Variants in PLXDC2 observed in about 807,000 individuals in gnomAD.
PLXDC2 encodes plexin domain containing 2.
In PLXDC2, 40 loss-of-function variants were observed where a neutral mutation model predicts 68.9. That is an observed-to-expected ratio of 0.58 (90% confidence interval 0.45 to 0.76). The LOEUF is 0.76. PLXDC2 is among the 30% of genes least tolerant of loss of function. PLXDC2 has a pLI of 0.00. For missense variants in PLXDC2, 644 were observed against 661.9 expected (o/e 0.97, Z 0.30); for synonymous variants, 243 against 234.2 (o/e 1.04, Z -0.34).
At chr10:19,854,841 C>A (rs758581826) in intron 1 of PLXDC2, among the ~76,000 whole-genome samples, 5 of 152,190 alleles carry the variant, frequency 3.3e-5, no homozygotes, top group Non-Finnish European at 5.9e-5. Flanking sequence ...AGTAGACACA[C>A]ATCTGTGAGC....
At chr10:19,859,427 T>A (rs754059765) in intron 1 of PLXDC2, among the ~76,000 whole-genome samples, 4 of 152,232 alleles carry the variant, frequency 2.6e-5, no homozygotes, top group Non-Finnish European at 5.9e-5. Context: ...TTTTTCAGAC[T>A]GTACCTTTTG....
chr10:20,092,763 C>T (rs1050753288), intron 4 of PLXDC2, among the ~76,000 whole-genome samples: 11 of 151,834 alleles, frequency 7.2e-5, no homozygotes, highest in Non-Finnish European at 1.5e-4. Context: ...GCCCTAAATG[C>T]AGTCACAAGT....
intron 2 of PLXDC2, among the ~76,000 whole-genome samples, chr10:20,007,114 A>T (rs1258792987): frequency 6.6e-6 from 1 of 152,194 alleles, no homozygotes; most frequent in Non-Finnish European, 1.5e-5. Flanking sequence ...TCCATTCATG[A>T]TTTGGCCTTG....
rs114203286 is a variant in PLXDC2 at position 20,254,669 on chromosome 10, A to G, written c.1473+9164A>G. Among the ~76,000 whole-genome samples the G allele has an allele frequency of 4.0e-3, 612 of 152,302 alleles. 4 individuals are homozygous for G. The highest frequency in any genetic ancestry group is 0.013 in the African/African-American group (559 of 41,564). On this transcript the variant is annotated intron_variant, in intron 13 of 13. Coordinates refer to ENST00000377252, the MANE Select transcript of PLXDC2 (RefSeq NM_032812.9). ...AGAAAGATAAGGCAAAACACATCTGACATGGTTTGACATAGCTCTCATTAA... is the reference window on the plus strand; with the variant it reads ...AGAAAGATAAGGCAAAACACATCTGGCATGGTTTGACATAGCTCTCATTAA...
At chr10:20,142,528 G>A (rs915939095) in intron 4 of PLXDC2, among the ~76,000 whole-genome samples, 3 of 152,082 alleles carry the variant, frequency 2.0e-5, no homozygotes, top group African/African-American at 7.2e-5. Context: ...ATAATTGAAA[G>A]TGGGTTAGAC....
intron 1 of PLXDC2, among the ~76,000 whole-genome samples, chr10:19,897,045 C>T (rs565356595): frequency 6.6e-6 from 1 of 152,284 alleles, no homozygotes; most frequent in Non-Finnish European, 1.5e-5. Flanking sequence ...CCCCTGTCAC[C>T]TAGAACAGTT....
At chr10:20,169,125 TCA>T (rs1309533117) in intron 7 of PLXDC2, among the ~76,000 whole-genome samples, 1 of 152,202 alleles carries the variant, frequency 6.6e-6, no homozygotes, top group Non-Finnish European at 1.5e-5. Flanking sequence ...TCGCATATTA[TCA>T]GTAAAATGGT....
chr10:19,980,797 C>T (rs1019558677), intron 1 of PLXDC2, among the ~76,000 whole-genome samples: 14 of 152,120 alleles, frequency 9.2e-5, no homozygotes, highest in African/African-American at 3.1e-4. Flanking sequence ...TTACTTAATT[C>T]CATAGATGCC....
At chr10:20,252,077 T>C (rs1835683330) in intron 13 of PLXDC2, among the ~76,000 whole-genome samples, 1 of 152,172 alleles carries the variant, frequency 6.6e-6, no homozygotes, top group African/African-American at 2.4e-5. Flanking sequence ...GCAAAAATTA[T>C]AGGAACAATG....
intron 4 of PLXDC2, among the ~76,000 whole-genome samples, chr10:20,097,127 G>A (rs1037427452): frequency 3.3e-5 from 5 of 152,122 alleles, no homozygotes; most frequent in Admixed American, 3.3e-4. Context: ...AGAGGCATTT[G>A]TCTCCTGTGA....
chr10:20,240,962 T>A (rs1328910205), intron 12 of PLXDC2, among the ~76,000 whole-genome samples: 1 of 152,204 alleles, frequency 6.6e-6, no homozygotes, highest in Non-Finnish European at 1.5e-5. Context: ...ATATTTATTT[T>A]GTCTTCTGGT....
At chr10:19,997,164 G>A (rs1468357724) in intron 1 of PLXDC2, among the ~76,000 whole-genome samples, 2 of 152,188 alleles carry the variant, frequency 1.3e-5, no homozygotes, top group Non-Finnish European at 1.5e-5. Flanking sequence ...TTTATCTTCT[G>A]TAGCTACCTT....
intron 3 of PLXDC2, among the ~76,000 whole-genome samples, chr10:20,060,559 G>A (rs1836083979): frequency 6.6e-6 from 1 of 150,924 alleles, no homozygotes; most frequent in Non-Finnish European, 1.5e-5. Context: ...CCCCTGTTGT[G>A]CCTAGGCCCA....
At chr10:19,952,350 G>T (rs961313070) in intron 1 of PLXDC2, among the ~76,000 whole-genome samples, 1 of 152,078 alleles carries the variant, frequency 6.6e-6, no homozygotes, top group African/African-American at 2.4e-5. Flanking sequence ...CAGCTGACTG[G>T]CTGCTGACTT....
Position 20,029,608 on chromosome 10 carries a change from G to A in PLXDC2, c.325-17261G>A, listed in dbSNP as rs538049158. 8.5e-4 allele frequency among the ~76,000 whole-genome samples: 130 copies of A among 152,110 alleles called. 2 individuals carry two copies. The highest frequency in any genetic ancestry group is 3.4e-3 in the Middle Eastern group (1 of 294). On this transcript the variant is annotated intron_variant, in intron 2 of 13. Transcript: ENST00000377252. ...AATAAAAAATAAATAAATAAAAAAA[G>A]AACAAATACTTCTTGGGCTGCACTG... is the stretch of plus-strand genomic sequence containing the variant.
chr10:19,884,146 C>G (rs1265685821), intron 1 of PLXDC2, among the ~76,000 whole-genome samples: 3 of 151,466 alleles, frequency 2.0e-5, no homozygotes, highest in Admixed American at 1.3e-4. Context: ...ATCCACCCAA[C>G]TCAGCCTCCC....
At chr10:20,200,146 CA>C (rs34400112) in intron 9 of PLXDC2, among the ~76,000 whole-genome samples, 3 of 150,726 alleles carry the variant, frequency 2.0e-5, no homozygotes, top group East Asian at 2.0e-4. Context: ...AAAAACAAAA[CA>C]AAAAAAATAG....
At chr10:20,087,359 T>G (rs1283578299) in intron 4 of PLXDC2, among the ~76,000 whole-genome samples, 1 of 152,164 alleles carries the variant, frequency 6.6e-6, no homozygotes. Context: ...TTAAGATAAT[T>G]TATTACTACT....
At chr10:20,045,418 G>T (rs575763911) in intron 2 of PLXDC2, among the ~76,000 whole-genome samples, 83 of 152,188 alleles carry the variant, frequency 5.5e-4, no homozygotes, top group African/African-American at 1.9e-3. Context: ...TGATCCGCCC[G>T]CCTTGGCTTC....
Sources: allele counts gnomAD v4.1 joint callset (sites outside exome capture counted in the v4.1 genomes callset), GRCh38; gene constraint gnomAD v4.1.1; transcripts MANE v1.5; gene names NCBI Gene and HGNC (gene_info 2026-07-23, HGNC 2026-07-21).